Variants in UBE2D3 observed in about 807,000 individuals in gnomAD.
UBE2D3 encodes the protein ubiquitin-conjugating enzyme E2 D3.
UBE2D3 carries 2 observed loss-of-function variants against 22.8 expected under a neutral mutation model. That is an observed-to-expected ratio of 0.09 (90% confidence interval 0.04 to 0.28). The LOEUF is 0.28. Among genes scored for constraint, UBE2D3 ranks in the 10% least tolerant of loss-of-function variants. The pLI is 1.00. For missense variants in UBE2D3, 27 were observed against 182.5 expected (o/e 0.15, Z 4.91); for synonymous variants, 56 against 60.4 (o/e 0.93, Z 0.34).
intron 1 of UBE2D3, among the ~76,000 whole-genome samples, chr4:102,841,549 T>C (rs1731757569): frequency 6.6e-6 from 1 of 152,200 alleles, no homozygotes; most frequent in African/African-American, 2.4e-5. Context: ...TTCTACTTAT[T>C]TAGGCCTTCA....
intron 1 of UBE2D3, among the ~76,000 whole-genome samples, chr4:102,835,927 C>T (rs369264678): frequency 9.9e-5 from 15 of 152,084 alleles, no homozygotes; most frequent in African/African-American, 2.9e-4. Context: ...TTTTCTGTCA[C>T]GGTAAATTAG....
chr4:102,819,068 C>T (rs768562355), intron 2 of UBE2D3, among the ~76,000 whole-genome samples: 1 of 152,136 alleles, frequency 6.6e-6, no homozygotes. Context: ...TGGTGGCTCA[C>T]GCTTGTAATC....
At chr4:102,804,974 C>T (rs1383529791) in intron 4 of UBE2D3, among the ~76,000 whole-genome samples, 1 of 152,172 alleles carries the variant, frequency 6.6e-6, no homozygotes, top group Non-Finnish European at 1.5e-5. Flanking sequence ...CGTGAGCCAC[C>T]ATGCCCGGCC....
intron 1 of UBE2D3, among the ~76,000 whole-genome samples, chr4:102,866,550 T>C (rs536276661): frequency 6.6e-6 from 1 of 152,346 alleles, no homozygotes; most frequent in African/African-American, 2.4e-5. Context: ...CATTTTACTA[T>C]ATCTTTAAAT....
intron 6 of UBE2D3, 104 bp downstream of exon 6, chr4:102,801,350 T>G: frequency 1.1e-6 from 1 of 941,062 alleles, no homozygotes. Context: ...TGCTTCCCCA[T>G]CTCTTACCAA....
chr4:102,816,951 T>C (rs223404), intron 2 of UBE2D3, among the ~76,000 whole-genome samples: 82,748 of 152,000 alleles, frequency 0.54, 23,105 homozygotes, highest in African/African-American at 0.68. Flanking sequence ...ACAACCTACA[T>C]GCTTAAAATA....
At chr4:102,840,102 C>T (rs968609824) in intron 1 of UBE2D3, among the ~76,000 whole-genome samples, 6 of 152,050 alleles carry the variant, frequency 3.9e-5, no homozygotes, top group African/African-American at 1.2e-4. Context: ...GTGGTTATTA[C>T]GAAAATAACA....
At chr4:102,811,109 G>T (rs1313069731) in intron 2 of UBE2D3, 1 of 152,192 alleles carries the variant, frequency 6.6e-6, no homozygotes, top group Non-Finnish European at 1.5e-5. Flanking sequence ...TAACACCCTG[G>T]GAGGCAAAGA....
chr4:102,854,720 T>C (rs779352472), intron 1 of UBE2D3, among the ~76,000 whole-genome samples: 10 of 152,176 alleles, frequency 6.6e-5, no homozygotes, highest in Non-Finnish European at 1.3e-4. Context: ...ATATGGTTCC[T>C]GAAAAAATGA....
chr4:102,827,903 A>C, upstream of UBE2D3: 1 of 985,464 alleles, frequency 1.0e-6, no homozygotes, highest in Non-Finnish European at 1.2e-6. Context: ...TGCGCGATCC[A>C]GCCCCACGCC....
In UBE2D3 at chr4:102,827,479, C is replaced by T. The variant is rs1411206159; in HGVS notation, c.-181G>A. ...CGGCCTCGGCCTCCTCCCCGCGCGGCAGCTGGTGCCTCCCCGGCCCTACGG... is the reference window on the plus strand; with the variant it reads ...CGGCCTCGGCCTCCTCCCCGCGCGGTAGCTGGTGCCTCCCCGGCCCTACGG... On this transcript the variant is annotated 5_prime_UTR_variant, in exon 1 of 8. Coordinates refer to ENST00000453744, the MANE Select transcript of UBE2D3 (RefSeq NM_181891.3). The T allele has an allele frequency of 5.1e-6, 5 of 986,106 alleles. No individual in the cohort carries two copies. Among genetic ancestry groups the T allele is most frequent in the African/African-American group, 3.5e-5 (2 of 57,258 alleles). The allele number at this position is 986,106 out of a possible 1,614,324, so 61.1% of individuals were successfully genotyped here.
intron 2 of UBE2D3, among the ~76,000 whole-genome samples, chr4:102,822,494 T>TTTCAA (rs1729770073): frequency 6.6e-6 from 1 of 152,240 alleles, no homozygotes; most frequent in African/African-American, 2.4e-5. Flanking sequence ...CCACTTCTAC[T>TTTCAA]TTCAAAATAT....
intron 1 of UBE2D3, among the ~76,000 whole-genome samples, chr4:102,838,871 T>C (rs574604373): frequency 6.7e-6 from 1 of 149,050 alleles, no homozygotes; most frequent in South Asian, 2.1e-4. Flanking sequence ...TAACCAAAAT[T>C]CTATTCATGT....
At chr4:102,812,330 C>T (rs1222264353) in intron 2 of UBE2D3, 1 of 152,194 alleles carries the variant, frequency 6.6e-6, no homozygotes, top group Non-Finnish European at 1.5e-5. Context: ...TTTTCATTCA[C>T]TACATCAAAT....
intron 2 of UBE2D3, among the ~76,000 whole-genome samples, chr4:102,822,049 T>C (rs1268331332): frequency 6.6e-6 from 1 of 152,244 alleles, no homozygotes; most frequent in Non-Finnish European, 1.5e-5. Context: ...AAAGATTGCC[T>C]GTCTTGGATA....
rs1276186802 is a variant in UBE2D3 at position 102,798,230 on chromosome 4, G to GCCATAGA, written c.399-777_399-771dup. On this transcript the variant is annotated intron_variant, in intron 7 of 7. Transcript: ENST00000453744. ...CAGCTTCCCCCTGGATTATACTCAT[G>GCCATAGA]CCATAGACTACTTACAACAACAAAA... Among the ~76,000 whole-genome samples, 38 of 127,182 alleles carry GCCATAGA rather than the reference G, an allele frequency of 3.0e-4. No individual in the cohort carries two copies. In the South Asian group the frequency reaches 8.2e-3, roughly 27 times the overall value. 83.4% of individuals were successfully genotyped at this position (127,182 alleles called of 152,430 possible).
chr4:102,847,389 G>A (rs1422853078), intron 1 of UBE2D3, among the ~76,000 whole-genome samples: 2 of 151,336 alleles, frequency 1.3e-5, no homozygotes, highest in Non-Finnish European at 2.9e-5. Context: ...AGGTTCAAGC[G>A]ATTCTCATGC....
upstream of UBE2D3, among the ~76,000 whole-genome samples, chr4:102,829,524 T>C (rs181788689): frequency 6.6e-6 from 1 of 152,324 alleles, no homozygotes; most frequent in African/African-American, 2.4e-5. Flanking sequence ...CTGTCCTTTC[T>C]CACAGGGTGA....
chr4:102,830,571 C>G (rs1202860916), upstream of UBE2D3, among the ~76,000 whole-genome samples: 1 of 152,090 alleles, frequency 6.6e-6, no homozygotes, highest in East Asian at 1.9e-4. Flanking sequence ...TAGAAAGGAT[C>G]AAGAAAATTA....
Sources: allele counts gnomAD v4.1 joint callset (sites outside exome capture counted in the v4.1 genomes callset), GRCh38; gene constraint gnomAD v4.1.1; transcripts MANE v1.5; gene names NCBI Gene and HGNC (gene_info 2026-07-23, HGNC 2026-07-21).